The following UCK2 variants were observed in gnomAD, a reference collection of about 807,000 sequenced individuals.
The protein encoded by UCK2 is uridine-cytidine kinase 2, also known as cytidine monophosphokinase 2.
In UCK2, 6 loss-of-function variants were observed where a neutral mutation model predicts 30.8. The ratio of observed to expected loss-of-function variants is 0.19; its 90% CI spans 0.11 to 0.38. The LOEUF (loss-of-function observed/expected upper bound fraction) is 0.38. Ranked by LOEUF, UCK2 falls within the 10% of genes least tolerant of loss-of-function variation. The pLI is 1.00. For synonymous variants in UCK2, 125 were observed against 133.6 expected (o/e 0.94, Z 0.45); for missense variants, 210 against 339.8 (o/e 0.62, Z 3.00).
At chr1:165,904,727 T>C (rs1647594065) in intron 5 of UCK2, among the ~76,000 whole-genome samples, 1 of 152,198 alleles carries the variant, frequency 6.6e-6, no homozygotes, top group African/African-American at 2.4e-5. Context: ...GCTGACACCG[T>C]TGCCTTTCAG....
Position 165,827,859 on chromosome 1 carries a change from T to G in UCK2, c.26T>G (p.Leu9Arg). ...ATGGCCGGGGACAGCGAGCAGACCC[T>G]GCAGAACCACCAGCAGCCCAACGGC... is the stretch of plus-strand genomic sequence containing the variant. MAGDSEQT[L>R]QNHQQPNGGE... is the part of the protein sequence containing the mutation. Residue 9 changes from leucine to arginine, a missense_variant, in exon 1 of 7, where the codon CTG becomes CGG. Transcript: ENST00000367879. 1.4e-6 allele frequency: 2 copies of G among 1,477,638 alleles called. No homozygotes were observed. Among genetic ancestry groups the G allele is most frequent in the South Asian group, 2.7e-5 (2 of 73,136 alleles). 91.5% of individuals were successfully genotyped at this position (1,477,638 alleles called of 1,614,324 possible). A position where few individuals can be genotyped will look rare whatever the true frequency, so the allele number is the denominator to read the frequency against.
rs111358596 is a variant in UCK2, at chr1:165,873,096, C to T, written c.100-17108C>T. On this transcript the variant is annotated intron_variant, in intron 1 of 6. Coordinates refer to ENST00000367879, the MANE Select transcript of UCK2 (RefSeq NM_012474.5). ...GTAGAAAGACCAGGGTAGGAACTACCGAAAAACAAACCAACGAACAGAAAA... is the reference window on the plus strand; with the variant it reads ...GTAGAAAGACCAGGGTAGGAACTACTGAAAAACAAACCAACGAACAGAAAA... 2.0e-4 allele frequency among the ~76,000 whole-genome samples: 30 copies of T among 152,040 alleles called. 1 individual carries two copies. The highest frequency in any genetic ancestry group is 6.5e-4 in the African/African-American group (27 of 41,470).
intron 1 of UCK2, among the ~76,000 whole-genome samples, chr1:165,851,974 A>G (rs1654608518): frequency 6.6e-6 from 1 of 152,154 alleles, no homozygotes; most frequent in Non-Finnish European, 1.5e-5. Context: ...TTCTTTATCC[A>G]TTCTATCATT....
Position 165,839,047 on chromosome 1 carries a change from C to CA in UCK2, c.99+11125dup, listed in dbSNP as rs560462436. Among the ~76,000 whole-genome samples the CA allele has an allele frequency of 5.2e-4, 75 of 143,738 alleles. No homozygotes were observed. The South Asian group carries it at 8.0e-3, about 15-fold the overall frequency. 94.3% of individuals were successfully genotyped at this position (143,738 alleles called of 152,430 possible). A position where few individuals can be genotyped will look rare whatever the true frequency, so the allele number is the denominator to read the frequency against. On this transcript the variant is annotated intron_variant, in intron 1 of 6. Coordinates refer to ENST00000367879, the MANE Select transcript of UCK2 (RefSeq NM_012474.5). ...TGGATGACAGAGCAAGACTTCGTCT[C>CA]AAAAAAAAAAGAAAGAAAAAATCAG...
chr1:165,857,300 A>C (rs1654771914), intron 1 of UCK2, among the ~76,000 whole-genome samples: 2 of 152,206 alleles, frequency 1.3e-5, no homozygotes, highest in Admixed American at 1.3e-4. Flanking sequence ...GACTTATGGT[A>C]CTAAGTACCA....
intron 4 of UCK2, among the ~76,000 whole-genome samples, chr1:165,901,399 G>T (rs1647457157): frequency 6.6e-6 from 1 of 152,134 alleles, no homozygotes; most frequent in African/African-American, 2.4e-5. Flanking sequence ...TGTCAGCCTG[G>T]ATCATAGCCA....
intron 1 of UCK2, among the ~76,000 whole-genome samples, chr1:165,879,885 G>A (rs1204426865): frequency 6.6e-6 from 1 of 152,160 alleles, no homozygotes; most frequent in African/African-American, 2.4e-5. Flanking sequence ...GAACGGAAGT[G>A]GGTGCTTGGC....
At chr1:165,889,819 T>C (rs935519353) in intron 1 of UCK2, among the ~76,000 whole-genome samples, 1 of 151,916 alleles carries the variant, frequency 6.6e-6, no homozygotes, top group Admixed American at 6.6e-5. Context: ...CATTAGTTAT[T>C]TTTCCTTATC....
intron 1 of UCK2, among the ~76,000 whole-genome samples, chr1:165,838,461 C>T (rs1176498338): frequency 6.6e-6 from 1 of 152,202 alleles, no homozygotes; most frequent in Non-Finnish European, 1.5e-5. Flanking sequence ...TCAAGTGTTG[C>T]TCACGTGTCT....
chr1:165,828,059 C>A, intron 1 of UCK2, 127 bp downstream of exon 1: 1 of 558,720 alleles, frequency 1.8e-6, no homozygotes, highest in Admixed American at 5.7e-5. Flanking sequence ...CGCTCCCGGC[C>A]GCGCTCCAGC....
chr1:165,874,660 T>C (rs1571284923), intron 1 of UCK2, among the ~76,000 whole-genome samples: 1 of 152,352 alleles, frequency 6.6e-6, no homozygotes, highest in Admixed American at 6.5e-5. Context: ...ATGCTTCAGT[T>C]ATGGCTATCA....
At chr1:165,897,972 C>T (rs1647327265) in intron 4 of UCK2, 2 of 152,294 alleles carry the variant, frequency 1.3e-5, no homozygotes, top group South Asian at 2.1e-4. Context: ...ACAGGGGAGA[C>T]AGGCCTGCTT....
intron 1 of UCK2, among the ~76,000 whole-genome samples, chr1:165,847,665 A>G (rs754099137): frequency 4.6e-5 from 7 of 151,344 alleles, no homozygotes; most frequent in Non-Finnish European, 7.4e-5. Context: ...TGCAGTGGCT[A>G]TTCACAGATA....
intron 1 of UCK2, among the ~76,000 whole-genome samples, chr1:165,845,128 G>A (rs1407117085): frequency 1.3e-5 from 2 of 152,166 alleles, no homozygotes; most frequent in Non-Finnish European, 2.9e-5. Flanking sequence ...TGGGGACTGA[G>A]CCCTCAGCCT....
At position 165,907,775 on chromosome 1, in the gene UCK2, C is replaced by T. The variant is rs766974841; in HGVS notation, c.738C>T (p.Thr246=). ...RQTNGCLNGY[T]PSRKRQASES... is the part of the protein sequence containing the mutation. ...CCAATGGCTGTCTCAACGGCTACAC[C>T]CCTTCACGCAAGAGGCAGGCATCGG... The change falls in exon 7 of 7, where the codon ACC becomes ACT. Residue 246 remains threonine (T), a synonymous_variant. Coordinates refer to ENST00000367879, the MANE Select transcript of UCK2 (RefSeq NM_012474.5). 1.2e-6 allele frequency: 2 copies of T among 1,614,168 alleles called. No homozygotes were observed. The highest frequency in any genetic ancestry group is 1.7e-6 in the Non-Finnish European group (2 of 1,180,044).
chr1:165,859,492 TC>T (rs1174273355), intron 1 of UCK2, among the ~76,000 whole-genome samples: 4 of 152,140 alleles, frequency 2.6e-5, no homozygotes, highest in African/African-American at 9.7e-5. Context: ...CCTGAACCCT[TC>T]CCTGCATTTC....
intron 1 of UCK2, among the ~76,000 whole-genome samples, chr1:165,868,304 C>A (rs1655097823): frequency 6.6e-6 from 1 of 152,194 alleles, no homozygotes; most frequent in African/African-American, 2.4e-5. Context: ...GCATTGACTT[C>A]AATTTAAAGT....
chr1:165,866,297 C>T (rs1021687981), intron 1 of UCK2, among the ~76,000 whole-genome samples: 1 of 152,166 alleles, frequency 6.6e-6, no homozygotes, highest in Non-Finnish European at 1.5e-5. Flanking sequence ...AACGTTTCCC[C>T]TGCCCAATTG....
chr1:165,844,700 G>A (rs1464557382), intron 1 of UCK2, among the ~76,000 whole-genome samples: 1 of 152,200 alleles, frequency 6.6e-6, no homozygotes, highest in African/African-American at 2.4e-5. Context: ...GGGGGCTGAA[G>A]GTCGAGCTGA....
Sources: gnomAD v4.1 joint callset for allele counts (sites outside exome capture counted in the v4.1 genomes callset) on GRCh38, gnomAD v4.1.1 for gene constraint, MANE v1.5 for transcripts, NCBI Gene and HGNC (gene_info 2026-07-23, HGNC 2026-07-21) for gene names.